The following NHS variants were observed in gnomAD, a reference collection of about 807,000 sequenced individuals.
NHS encodes the protein actin remodeling regulator NHS.
NHS carries 5 observed loss-of-function variants against 72.5 expected under a neutral mutation model. That is an observed-to-expected ratio of 0.07 (90% CI 0.04 to 0.14). The LOEUF (loss-of-function observed/expected upper bound fraction) is 0.14, where lower values mean the gene tolerates loss of function less well. Ranked by LOEUF, NHS falls within the 10% of genes least tolerant of loss-of-function variation. The probability of loss-of-function intolerance (pLI) is 1.00; values close to 1 mark genes in which losing one functional copy is unlikely to be tolerated. For synonymous variants in NHS, 464 were observed against 547.7 expected, an observed-to-expected ratio of 0.85 and a Z score of 2.13; for missense variants, 1,072 against 1,355.7, an observed-to-expected ratio of 0.79 and a Z score of 3.29.
intron 1 of NHS, among the ~76,000 whole-genome samples, chrX:17,394,263 G>A (rs949988692): frequency 2.7e-5 from 3 of 111,707 alleles, no homozygotes; most frequent in Admixed American, 1.9e-4. Context: ...GCCCCTGGGG[G>A]ACCTGGCTGC....
chrX:17,570,465 CTGTT>C (rs1382568098), intron 1 of NHS, among the ~76,000 whole-genome samples: 6 of 111,766 alleles, frequency 5.4e-5, no homozygotes, highest in African/African-American at 1.6e-4. Context: ...ATTTGGCTCT[CTGTT>C]TGTCTGTTAT....
At chrX:17,654,671 T>A (rs2065944640) in intron 1 of NHS, among the ~76,000 whole-genome samples, 1 of 112,291 alleles carries the variant, frequency 8.9e-6, no homozygotes, top group Non-Finnish European at 1.9e-5. Context: ...ACATCCCTAG[T>A]TGAAAATAGG....
intron 1 of NHS, among the ~76,000 whole-genome samples, chrX:17,608,508 G>A (rs980899407): frequency 3.0e-4 from 33 of 111,676 alleles, no homozygotes; most frequent in African/African-American, 1.1e-3. Flanking sequence ...AAGAAAGGCT[G>A]ATATTGTAGC....
chrX:17,588,895 G>A (rs2065588829), intron 1 of NHS, among the ~76,000 whole-genome samples: 1 of 111,865 alleles, frequency 8.9e-6, no homozygotes, highest in Non-Finnish European at 1.9e-5. Context: ...TGTAGGCAGA[G>A]CATGAGATTG....
chrX:17,561,574 GCACACACA>G lies in NHS; in HGVS notation c.566-126129_566-126122del, dbSNP rs530971006. On this transcript the variant is annotated intron_variant, in intron 1 of 8. Coordinates refer to ENST00000676302, the MANE Select transcript of NHS (RefSeq NM_001291867.2). ...CAAGTGCATGCGCGCGCGCGCGCGCGCACACACACACACACACACACACACACACACAC... is the reference window on the plus strand; with the variant it reads ...CAAGTGCATGCGCGCGCGCGCGCGCGCACACACACACACACACACACACAC... Among the ~76,000 whole-genome samples the G allele has an allele frequency of 7.4e-3, 484 of 65,386 alleles. 5 individuals carry two copies. Among genetic ancestry groups the G allele is most frequent in the East Asian group, 0.025 (43 of 1,705 alleles). 56.8% of individuals were successfully genotyped at this position (65,386 alleles called of 115,157 possible).
intron 1 of NHS, among the ~76,000 whole-genome samples, chrX:17,622,642 T>C (rs1304564269): frequency 8.9e-6 from 1 of 112,215 alleles, no homozygotes; most frequent in East Asian, 2.8e-4. Flanking sequence ...CTCCGGGCTG[T>C]TGGGGTACAC....
Position 17,421,129 on chromosome X carries a change from G to C in NHS, c.565+44807G>C, listed in dbSNP as rs561308230. Among the ~76,000 whole-genome samples the C allele has an allele frequency of 6.4e-5, 7 of 109,682 alleles. 1 individual carries two copies. The South Asian group carries it at 2.8e-3, about 44-fold the overall frequency. Reference sequence around the variant, plus strand: ...TTTATTCTTGGGAGGGAGAGGGCAGGGGTGGTTTCTTAATTATGAAGTGCA... The same window carrying C: ...TTTATTCTTGGGAGGGAGAGGGCAGCGGTGGTTTCTTAATTATGAAGTGCA... On this transcript the variant is annotated intron_variant, in intron 1 of 8. Coordinates refer to ENST00000676302, the MANE Select transcript of NHS (RefSeq NM_001291867.2).
chrX:17,419,200 T>C (rs1457237815), intron 1 of NHS, among the ~76,000 whole-genome samples: 3 of 112,806 alleles, frequency 2.7e-5, no homozygotes, highest in Non-Finnish European at 5.6e-5. Context: ...ATGGTACTGC[T>C]TACGGGCAGA....
chrX:17,655,357 C>T (rs1644663923), intron 1 of NHS, among the ~76,000 whole-genome samples: 1 of 112,002 alleles, frequency 8.9e-6, no homozygotes, highest in Non-Finnish European at 1.9e-5. Flanking sequence ...ACGCGCAGCC[C>T]CAGCGGTCGC....
intron 1 of NHS, among the ~76,000 whole-genome samples, chrX:17,378,407 A>G (rs2146836650): frequency 8.9e-6 from 1 of 112,192 alleles, no homozygotes; most frequent in African/African-American, 3.2e-5. Flanking sequence ...CTAAAATGCT[A>G]TCTCCACACT....
At chrX:17,544,572 C>T (rs2065281874) in intron 1 of NHS, among the ~76,000 whole-genome samples, 1 of 111,729 alleles carries the variant, frequency 9.0e-6, no homozygotes, top group Non-Finnish European at 1.9e-5. Flanking sequence ...AGTGCAGTGG[C>T]GCGATCTTGG....
chrX:17,533,218 T>C (rs2065207220), intron 1 of NHS, among the ~76,000 whole-genome samples: 1 of 112,046 alleles, frequency 8.9e-6, no homozygotes, highest in African/African-American at 3.2e-5. Flanking sequence ...TCGTCTCCAG[T>C]GTGTGAGTCT....
intron 1 of NHS, among the ~76,000 whole-genome samples, chrX:17,685,006 C>G: frequency 8.9e-6 from 1 of 112,245 alleles, no homozygotes. Flanking sequence ...ATGGTGAACC[C>G]GAAGATGCAG....
At chrX:17,512,493 C>G (rs2065094445) in intron 1 of NHS, among the ~76,000 whole-genome samples, 1 of 111,590 alleles carries the variant, frequency 9.0e-6, no homozygotes, top group African/African-American at 3.3e-5. Context: ...ATTTTAACAC[C>G]AGATATGGAT....
At chrX:17,436,526 C>T (rs192690442) in intron 1 of NHS, among the ~76,000 whole-genome samples, 438 of 107,395 alleles carry the variant, frequency 4.1e-3, no homozygotes, top group Admixed American at 7.8e-3. Flanking sequence ...TATATAGAAA[C>T]TACTTTAAAA....
intron 1 of NHS, among the ~76,000 whole-genome samples, chrX:17,661,682 G>C (rs920470182): frequency 1.8e-5 from 2 of 111,366 alleles, no homozygotes; most frequent in African/African-American, 6.5e-5. Context: ...GGGTGCAGTG[G>C]CTACTTTGAT....
intron 1 of NHS, among the ~76,000 whole-genome samples, chrX:17,510,083 C>T (rs1462757143): frequency 1.8e-5 from 2 of 112,554 alleles, no homozygotes; most frequent in Admixed American, 9.4e-5. Context: ...TGAAGTTTAT[C>T]CCCGACAGTT....
chrX:17,639,920 G>A (rs1350875959), intron 1 of NHS, among the ~76,000 whole-genome samples: 1 of 112,251 alleles, frequency 8.9e-6, no homozygotes, highest in African/African-American at 3.2e-5. Flanking sequence ...TGAGGCTGAT[G>A]GAGGAGAGGA....
Position 17,708,742 on chromosome X carries a change from A to AG in NHS, c.853-10600dup, listed in dbSNP as rs901851082. On this transcript the variant is annotated intron_variant, in intron 3 of 8. Transcript: ENST00000676302. Reference sequence around the variant, plus strand: ...ATAGACTGAGGAAACTATGAGAGGCAGGAGATGGAGTGTATACACATGAGT... The same window carrying AG: ...ATAGACTGAGGAAACTATGAGAGGCAGGGAGATGGAGTGTATACACATGAGT... Among the ~76,000 whole-genome samples the AG allele has an allele frequency of 2.7e-5, 3 of 111,329 alleles. No individual in the cohort carries two copies. The Admixed American group carries it at 2.9e-4, about 11-fold the overall frequency.
Sources: gnomAD v4.1 joint callset for allele counts (sites outside exome capture counted in the v4.1 genomes callset) on GRCh38, gnomAD v4.1.1 for gene constraint, MANE v1.5 for transcripts, NCBI Gene and HGNC (gene_info 2026-07-23, HGNC 2026-07-21) for gene names.